CLSTN2: variants seen among roughly 807,000 people sequenced by gnomAD.
CLSTN2 encodes the protein calsyntenin 2.
CLSTN2 carries 48 observed loss-of-function variants against 101.2 expected under a neutral mutation model. The observed-to-expected ratio is 0.47, with a 90% confidence interval of 0.38 to 0.60. CLSTN2 has a LOEUF of 0.60. CLSTN2 is among the 20% of genes least tolerant of loss of function. The pLI is 0.00. For synonymous variants in CLSTN2, 481 were observed against 463.6 expected (o/e 1.04, Z -0.48); for missense variants, 1,160 against 1,238.2 (o/e 0.94, Z 0.95).
chr3:140,181,050 C>T (rs995296708), intron 2 of CLSTN2, among the ~76,000 whole-genome samples: 5 of 152,174 alleles, frequency 3.3e-5, no homozygotes, highest in African/African-American at 1.2e-4. Flanking sequence ...AGCCATGTGT[C>T]TTATAGTGAG....
At chr3:140,072,248 C>T (rs1183846216) in intron 1 of CLSTN2, among the ~76,000 whole-genome samples, 1 of 151,972 alleles carries the variant, frequency 6.6e-6, no homozygotes, top group East Asian at 1.9e-4. Flanking sequence ...TTCATTATGT[C>T]AATGTTGCTG....
At chr3:140,020,076 T>C (rs1017514190) in intron 1 of CLSTN2, among the ~76,000 whole-genome samples, 6 of 152,124 alleles carry the variant, frequency 3.9e-5, no homozygotes, top group African/African-American at 1.4e-4. Context: ...CTGGGGAGTA[T>C]GTGGAGCTCA....
chr3:140,356,362 C>G (rs2087670472), intron 2 of CLSTN2, among the ~76,000 whole-genome samples: 3 of 152,168 alleles, frequency 2.0e-5, no homozygotes, highest in African/African-American at 7.2e-5. Flanking sequence ...CTGGAGATAT[C>G]TTTGCACCAA....
At chr3:140,210,485 A>C (rs1327569348) in intron 2 of CLSTN2, among the ~76,000 whole-genome samples, 1 of 152,178 alleles carries the variant, frequency 6.6e-6, no homozygotes, top group African/African-American at 2.4e-5. Flanking sequence ...CACACCCTGC[A>C]GGAGAAAGAC....
chr3:140,188,033 C>T (rs1426361192), intron 2 of CLSTN2, among the ~76,000 whole-genome samples: 1 of 152,198 alleles, frequency 6.6e-6, no homozygotes, highest in Non-Finnish European at 1.5e-5. Context: ...TGGCCCAGCA[C>T]TTGCCACAGT....
intron 2 of CLSTN2, among the ~76,000 whole-genome samples, chr3:140,224,842 A>G (rs371351388): frequency 4.5e-4 from 69 of 152,312 alleles, no homozygotes; most frequent in African/African-American, 1.4e-3. Context: ...CTATGTTCTG[A>G]GAAACACATG....
intron 2 of CLSTN2, among the ~76,000 whole-genome samples, chr3:140,380,987 A>AGAATGTTTGGTGCCACAGCC (rs1228843305): frequency 6.6e-6 from 1 of 152,230 alleles, no homozygotes; most frequent in African/African-American, 2.4e-5. Flanking sequence ...AGTACCAAAC[A>AGAATGTTTGGTGCCACAGCC]CTGGGTGGCT....
At chr3:140,460,764 T>C (rs1240109890) in intron 7 of CLSTN2, among the ~76,000 whole-genome samples, 1 of 152,200 alleles carries the variant, frequency 6.6e-6, no homozygotes, top group Admixed American at 6.5e-5. Context: ...TGCATTTAAT[T>C]ATAATTCTAC....
chr3:140,499,846 C>T lies in CLSTN2; in HGVS notation c.1345-32478C>T, dbSNP rs527622617. ...TTGGGAGGCCAAGGCAGGCGGATCACGATGTCAGGAGATCGAGACCATCCT... is the reference window on the plus strand; with the variant it reads ...TTGGGAGGCCAAGGCAGGCGGATCATGATGTCAGGAGATCGAGACCATCCT... On this transcript the variant is annotated intron_variant, in intron 8 of 16. Coordinates refer to ENST00000458420, the MANE Select transcript of CLSTN2 (RefSeq NM_022131.3). Among the ~76,000 whole-genome samples, 39 of 152,224 alleles carry T rather than the reference C, an allele frequency of 2.6e-4. 1 individual carries two copies. The highest frequency in any genetic ancestry group is 1.6e-3 in the Admixed American group (25 of 15,288).
In CLSTN2 at chr3:140,577,043, T is replaced by A. The variant is rs1033976762; in HGVS notation, c.*10790T>A. On this transcript the variant is annotated 3_prime_UTR_variant, in exon 17 of 17. Coordinates refer to ENST00000458420, the MANE Select transcript of CLSTN2 (RefSeq NM_022131.3). ...CCCCTCCCCACTCCTTTTCATAGAATCCTCTCTCAGGCCTAACTGAGCTGT... is the reference window on the plus strand; with the variant it reads ...CCCCTCCCCACTCCTTTTCATAGAAACCTCTCTCAGGCCTAACTGAGCTGT... 1.3e-5 allele frequency: 2 copies of A among 152,108 alleles called. No individual in the cohort carries two copies. The highest frequency in any genetic ancestry group is 4.8e-5 in the African/African-American group (2 of 41,408). The allele number at this position is 152,108 out of a possible 1,614,324, so 9.4% of individuals were successfully genotyped here. A position where few individuals can be genotyped will look rare whatever the true frequency, so the allele number is the denominator to read the frequency against.
chr3:140,472,868 T>C (rs75911989), intron 8 of CLSTN2, among the ~76,000 whole-genome samples: 14,980 of 152,236 alleles, frequency 0.098, 836 homozygotes, highest in Middle Eastern at 0.16. Flanking sequence ...CTAGTCTCTC[T>C]TTATTTCCCC....
At chr3:140,488,523 T>A (rs1223015892) in intron 8 of CLSTN2, among the ~76,000 whole-genome samples, 1 of 152,090 alleles carries the variant, frequency 6.6e-6, no homozygotes, top group Non-Finnish European at 1.5e-5. Flanking sequence ...TGGAAATGTT[T>A]TGTTGGCCAT....
At chr3:140,546,832 G>A (rs962972597) in intron 10 of CLSTN2, 151 bp downstream of exon 10, 42 of 672,740 alleles carry the variant, frequency 6.2e-5, no homozygotes, top group African/African-American at 2.4e-4. Context: ...TGGGGGTTCC[G>A]GAGGGAGATT....
Position 140,208,563 on chromosome 3 carries a change from T to A in CLSTN2, c.232+32490T>A, listed in dbSNP as rs113048849. The stretch of plus-strand genomic sequence containing the variant: ...AGTGCATGATGTGTTCTGACATTAT[T>A]ATTCATTACTTTGGTATTTTCCTGC... On this transcript the variant is annotated intron_variant, in intron 2 of 16. Coordinates refer to ENST00000458420, the MANE Select transcript of CLSTN2 (RefSeq NM_022131.3). 1.5e-3 allele frequency among the ~76,000 whole-genome samples: 235 copies of A among 152,292 alleles called. 1 individual carries two copies. The highest frequency in any genetic ancestry group is 5.2e-3 in the African/African-American group (215 of 41,556).
At chr3:140,499,957 C>G (rs1348289633) in intron 8 of CLSTN2, among the ~76,000 whole-genome samples, 1 of 152,020 alleles carries the variant, frequency 6.6e-6, no homozygotes, top group African/African-American at 2.4e-5. Context: ...GTCCCAGCTA[C>G]TCAGAAGGCT....
intron 2 of CLSTN2, among the ~76,000 whole-genome samples, chr3:140,284,581 G>T (rs2086878926): frequency 6.6e-6 from 1 of 152,130 alleles, no homozygotes; most frequent in South Asian, 2.1e-4. Flanking sequence ...CCATCAGGAT[G>T]TGCCCAGCCT....
At position 140,286,572 on chromosome 3, in the gene CLSTN2, A is replaced by G. The variant is rs1427981800; in HGVS notation, c.232+110499A>G. ...GCCCTCTATTCAGTGTCTACCATAG[A>G]TACGATGTATACCACTCTGCCTCCC... On this transcript the variant is annotated intron_variant, in intron 2 of 16. Transcript: ENST00000458420. 1.1e-4 allele frequency among the ~76,000 whole-genome samples: 16 copies of G among 152,168 alleles called. 1 individual carries two copies. Among genetic ancestry groups the G allele is most frequent in the Admixed American group, 9.2e-4 (14 of 15,274 alleles).
At chr3:140,130,181 G>T (rs1442059582) in intron 1 of CLSTN2, among the ~76,000 whole-genome samples, 1 of 152,170 alleles carries the variant, frequency 6.6e-6, no homozygotes, top group Admixed American at 6.5e-5. Flanking sequence ...ATCCGGTGAG[G>T]CTCTAGCTTC....
chr3:140,451,976 A>G (rs1933262633), intron 6 of CLSTN2, among the ~76,000 whole-genome samples: 1 of 152,236 alleles, frequency 6.6e-6, no homozygotes, highest in Admixed American at 6.5e-5. Flanking sequence ...ATGGCAGGAA[A>G]AATGAATTTA....
Sources: gnomAD v4.1 joint callset for allele counts (sites outside exome capture counted in the v4.1 genomes callset) on GRCh38, gnomAD v4.1.1 for gene constraint, MANE v1.5 for transcripts, NCBI Gene and HGNC (gene_info 2026-07-23, HGNC 2026-07-21) for gene names.